The following DIS3L2 variants were observed in gnomAD, a reference collection of about 807,000 sequenced individuals.
The protein encoded by DIS3L2 is DIS3 like 3'-5' exoribonuclease 2, also known as DIS3-like exonuclease 2.
A neutral mutation model predicts 97.5 loss-of-function variants in DIS3L2; 34 were observed. The ratio of observed to expected loss-of-function variants is 0.35; its 90% CI spans 0.27 to 0.46. DIS3L2 has a LOEUF of 0.46. Among genes scored for constraint, DIS3L2 ranks in the 20% least tolerant of loss-of-function variants. DIS3L2 has a pLI of 1.00. For synonymous variants in DIS3L2, 435 were observed against 445.2 expected, an observed-to-expected ratio of 0.98 and a Z score of 0.29; for missense variants, 1,038 against 1,146.0, an observed-to-expected ratio of 0.91 and a Z score of 1.36.
At position 232,078,382 on chromosome 2, in the gene DIS3L2, C is replaced by T. The variant is rs1322986544; in HGVS notation, c.367-9105C>T. Among the ~76,000 whole-genome samples the T allele has an allele frequency of 2.6e-5, 4 of 152,056 alleles. No homozygotes were observed. The South Asian group carries it at 8.3e-4, about 32-fold the overall frequency. ...ATCTGCTTGTAGATATGCCCTTCCC[C>T]CCCGCCCCGCTCCCCGGGAGGAAGG... On this transcript the variant is annotated intron_variant, in intron 5 of 20. Coordinates refer to ENST00000325385, the MANE Select transcript of DIS3L2 (RefSeq NM_152383.5).
intron 13 of DIS3L2, among the ~76,000 whole-genome samples, chr2:232,290,772 G>C (rs1165740957): frequency 6.6e-6 from 1 of 152,184 alleles, no homozygotes; most frequent in Non-Finnish European, 1.5e-5. Context: ...TACAGACGGC[G>C]CTGCAGGGAG....
At chr2:232,326,509 C>G (rs1695581657) in intron 14 of DIS3L2, among the ~76,000 whole-genome samples, 1 of 152,226 alleles carries the variant, frequency 6.6e-6, no homozygotes, top group Admixed American at 6.5e-5. Flanking sequence ...CACTCCTACT[C>G]ATAGCCTACC....
At chr2:232,192,382 C>T (rs956638606) in intron 9 of DIS3L2, among the ~76,000 whole-genome samples, 68 of 152,042 alleles carry the variant, frequency 4.5e-4, no homozygotes, top group African/African-American at 1.1e-3. Flanking sequence ...CTCTAACTCA[C>T]GGTCCTCATA....
chr2:232,273,026 T>A (rs932139558), intron 13 of DIS3L2, among the ~76,000 whole-genome samples: 9 of 152,044 alleles, frequency 5.9e-5, no homozygotes, highest in African/African-American at 1.9e-4. Flanking sequence ...CCCAGCCTAC[T>A]CCTCCACCTT....
chr2:232,095,082 T>C (rs951177405), intron 6 of DIS3L2, among the ~76,000 whole-genome samples: 2 of 152,212 alleles, frequency 1.3e-5, no homozygotes, highest in African/African-American at 4.8e-5. Flanking sequence ...CAGCAGATCA[T>C]TGCATCTTGT....
chr2:232,303,294 G>A (rs1694908666), intron 14 of DIS3L2, among the ~76,000 whole-genome samples: 1 of 151,890 alleles, frequency 6.6e-6, no homozygotes, highest in Non-Finnish European at 1.5e-5. Context: ...GTGTTCCTCT[G>A]TTTCCATTTA....
intron 9 of DIS3L2, among the ~76,000 whole-genome samples, chr2:232,175,515 T>C (rs962797955): frequency 6.6e-5 from 10 of 152,206 alleles, no homozygotes; most frequent in African/African-American, 2.4e-4. Flanking sequence ...ACTGGCCTCA[T>C]AGAATGAGTT....
At chr2:232,247,512 C>CCAGGG (rs1159404356) in intron 11 of DIS3L2, among the ~76,000 whole-genome samples, 1 of 151,014 alleles carries the variant, frequency 6.6e-6, no homozygotes, top group Non-Finnish European at 1.5e-5. Flanking sequence ...TCGTATTTGA[C>CCAGGG]CAGGGCACCA....
chr2:232,194,261 A>C (rs980718851), intron 9 of DIS3L2, among the ~76,000 whole-genome samples: 1 of 152,118 alleles, frequency 6.6e-6, no homozygotes, highest in Non-Finnish European at 1.5e-5. Flanking sequence ...TATACATGCT[A>C]ATATTTGCAA....
intron 5 of DIS3L2, among the ~76,000 whole-genome samples, chr2:232,078,636 C>T (rs1342786138): frequency 6.6e-6 from 1 of 152,184 alleles, no homozygotes; most frequent in Admixed American, 6.5e-5. Flanking sequence ...TTTTATTGTT[C>T]TTCTACCTGT....
At chr2:232,329,789 T>TGGGGCCC in intron 14 of DIS3L2, 24 bp from the exon 15 acceptor site, 1 of 368,622 alleles carries the variant, frequency 2.7e-6, no homozygotes, top group Non-Finnish European at 5.1e-6. Flanking sequence ...CAGCGGTCCC[T>TGGGGCCC]CCCATCCCAC....
chr2:232,239,135 TAAG>T (rs905488296), intron 11 of DIS3L2, among the ~76,000 whole-genome samples: 1 of 152,268 alleles, frequency 6.6e-6, no homozygotes, highest in African/African-American at 2.4e-5. Context: ...CGAAGGGAGA[TAAG>T]GAGGAGCCTG....
chr2:232,032,137 G>A (rs1694821790), intron 5 of DIS3L2, among the ~76,000 whole-genome samples: 1 of 152,170 alleles, frequency 6.6e-6, no homozygotes, highest in Admixed American at 6.5e-5. Context: ...CAGTGTAAAA[G>A]CATTTCTATT....
intron 9 of DIS3L2, among the ~76,000 whole-genome samples, chr2:232,182,205 A>T (rs1691302960): frequency 6.6e-6 from 1 of 151,934 alleles, no homozygotes; most frequent in African/African-American, 2.4e-5. Context: ...TTTATTTAGG[A>T]GTAGGTTGTT....
intron 9 of DIS3L2, among the ~76,000 whole-genome samples, chr2:232,189,725 G>A (rs1232647206): frequency 6.6e-6 from 1 of 152,174 alleles, no homozygotes; most frequent in East Asian, 1.9e-4. Context: ...GTATGAGTAA[G>A]TGAGAAATCT....
intron 14 of DIS3L2, among the ~76,000 whole-genome samples, chr2:232,326,417 GT>G (rs1189865911): frequency 1.3e-5 from 2 of 152,032 alleles, no homozygotes; most frequent in East Asian, 3.9e-4. Context: ...GCACCTTTCT[GT>G]CCCCAAACTC....
At chr2:232,002,008 C>A (rs1177732204) in intron 1 of DIS3L2, among the ~76,000 whole-genome samples, 1 of 152,058 alleles carries the variant, frequency 6.6e-6, no homozygotes, top group Non-Finnish European at 1.5e-5. Flanking sequence ...GGCTGAGACA[C>A]CACTCCTGGC....
chr2:232,125,117 C>A (rs11678784), intron 6 of DIS3L2, among the ~76,000 whole-genome samples: 1,715 of 152,310 alleles, frequency 0.011, 17 homozygotes, highest in Non-Finnish European at 0.016. Flanking sequence ...CTCCCTCGTC[C>A]CATTCACCTA....
chr2:232,212,996 G>A (rs1269253676), intron 10 of DIS3L2, among the ~76,000 whole-genome samples: 1 of 152,122 alleles, frequency 6.6e-6, no homozygotes, highest in Non-Finnish European at 1.5e-5. Flanking sequence ...GCATGGAGTT[G>A]TCTGTCTGAT....
Sources: allele counts gnomAD v4.1 joint callset (sites outside exome capture counted in the v4.1 genomes callset), GRCh38; gene constraint gnomAD v4.1.1; transcripts MANE v1.5; gene names NCBI Gene and HGNC (gene_info 2026-07-23, HGNC 2026-07-21).